Variants in HOATZ observed in about 807,000 individuals in gnomAD.
The protein encoded by HOATZ is cilia- and flagella-associated protein HOATZ.
In HOATZ, 26 loss-of-function variants were observed where a neutral mutation model predicts 24.9. The observed-to-expected ratio is 1.04, with a 90% CI of 0.76 to 1.45. The LOEUF (loss-of-function observed/expected upper bound fraction) is 1.45, where lower values mean the gene tolerates loss of function less well. HOATZ is among the 40% of genes most tolerant of loss of function. HOATZ has a pLI of 0.00. For missense variants in HOATZ, 226 were observed against 201.5 expected, an observed-to-expected ratio of 1.12 and a Z score of -0.74; for synonymous variants, 83 against 76.6, an observed-to-expected ratio of 1.08 and a Z score of -0.43.
chr11:111,529,927 C>T (rs368126826), intron 3 of HOATZ, among the ~76,000 whole-genome samples: 74 of 152,272 alleles, frequency 4.9e-4, no homozygotes, highest in African/African-American at 1.7e-3. Context: ...CTCCTTTCCT[C>T]CCTCAAACTG....
intron 3 of HOATZ, among the ~76,000 whole-genome samples, chr11:111,525,552 G>A (rs572300004): frequency 1.3e-5 from 2 of 152,322 alleles, no homozygotes; most frequent in East Asian, 3.9e-4. Flanking sequence ...TTGGCCAGAA[G>A]CAACTGAAAA....
rs1162361344 is a variant in HOATZ at position 111,529,863 on chromosome 11, A to T, written c.340-3883A>T. Among the ~76,000 whole-genome samples the T allele has an allele frequency of 2.0e-5, 3 of 152,120 alleles. No individual in the cohort carries two copies. In the East Asian group the frequency reaches 5.8e-4, roughly 29 times the overall value. On this transcript the variant is annotated intron_variant, in intron 3 of 5. Coordinates refer to ENST00000375618, the MANE Select transcript of HOATZ (RefSeq NM_001100388.2). ...ACACCAGAAAATTCGTGGTCAGAAGAATTTGCACTGCATATTTAATAACAA... is the reference window on the plus strand; with the variant it reads ...ACACCAGAAAATTCGTGGTCAGAAGTATTTGCACTGCATATTTAATAACAA...
chr11:111,532,687 G>A (rs769447801), intron 3 of HOATZ, among the ~76,000 whole-genome samples: 1 of 152,180 alleles, frequency 6.6e-6, no homozygotes, highest in Non-Finnish European at 1.5e-5. Flanking sequence ...TTTAAGCCAC[G>A]CAGTGTGTGG....
chr11:111,519,376 A>G (rs577071372), intron 3 of HOATZ, among the ~76,000 whole-genome samples: 2 of 152,136 alleles, frequency 1.3e-5, no homozygotes, highest in East Asian at 3.8e-4. Context: ...TTGATATTTC[A>G]ATTTTGTTTA....
At chr11:111,523,593 T>C (rs1017043006) in intron 3 of HOATZ, among the ~76,000 whole-genome samples, 1 of 152,118 alleles carries the variant, frequency 6.6e-6, no homozygotes, top group African/African-American at 2.4e-5. Flanking sequence ...TGAATCACAG[T>C]TTAACATACC....
chr11:111,533,917 G>A lies in HOATZ; in HGVS notation c.399+112G>A, dbSNP rs1867421066. 10 of 717,732 alleles carry A rather than the reference G, an allele frequency of 1.4e-5. No individual in the cohort carries two copies. The South Asian group carries it at 2.4e-4, about 17-fold the overall frequency. 44.5% of individuals were successfully genotyped at this position (717,732 alleles called of 1,614,324 possible). Reference sequence around the variant, plus strand: ...TAAATCTAGCTAGCTATAGTCCAGAGCCATTGATATACCAGAGTGGGGCAA... The same window carrying A: ...TAAATCTAGCTAGCTATAGTCCAGAACCATTGATATACCAGAGTGGGGCAA... On this transcript the variant is annotated intron_variant, in intron 4 of 5. Transcript: ENST00000375618.
At chr11:111,519,006 T>A (rs1279875873) in intron 3 of HOATZ, 1 of 456,148 alleles carries the variant, frequency 2.2e-6, no homozygotes, top group Non-Finnish European at 4.4e-6. Context: ...TCTTTCCTGC[T>A]AGATTACAGG....
intron 3 of HOATZ, among the ~76,000 whole-genome samples, chr11:111,528,550 C>T (rs1231389954): frequency 6.6e-6 from 1 of 152,166 alleles, no homozygotes; most frequent in Non-Finnish European, 1.5e-5. Flanking sequence ...TTTATAAATA[C>T]CACTATAATT....
chr11:111,536,090 C>A (rs1021725192), intron 5 of HOATZ: 1 of 152,192 alleles, frequency 6.6e-6, no homozygotes, highest in African/African-American at 2.4e-5. Flanking sequence ...TGTAACTATA[C>A]TGTAAGCTCC....
chr11:111,526,892 C>T (rs952765282), intron 3 of HOATZ: 2 of 152,188 alleles, frequency 1.3e-5, no homozygotes, highest in African/African-American at 4.8e-5. Context: ...CAATGAAAAT[C>T]TTCAAGACTC....
At chr11:111,529,973 C>T (rs1027447300) in intron 3 of HOATZ, among the ~76,000 whole-genome samples, 9 of 152,138 alleles carry the variant, frequency 5.9e-5, no homozygotes, top group African/African-American at 1.9e-4. Flanking sequence ...GAGGTTGAAT[C>T]GTAAGAATTC....
chr11:111,519,016 G>A, intron 3 of HOATZ: 1 of 456,024 alleles, frequency 2.2e-6, no homozygotes. Context: ...TAGATTACAG[G>A]CACCATAGTG....
chr11:111,516,546 CAAAAA>C (rs111862347), intron 3 of HOATZ, among the ~76,000 whole-genome samples: 1 of 124,928 alleles, frequency 8.0e-6, no homozygotes, highest in Non-Finnish European at 1.8e-5. Flanking sequence ...TCTAACTCTA[CAAAAA>C]AAAAAAAAAT....
chr11:111,531,404 T>C (rs1867391969), intron 3 of HOATZ, among the ~76,000 whole-genome samples: 1 of 152,148 alleles, frequency 6.6e-6, no homozygotes, highest in Non-Finnish European at 1.5e-5. Context: ...GAAAGAGACA[T>C]GGTGGCAACT....
intron 3 of HOATZ, among the ~76,000 whole-genome samples, chr11:111,525,239 T>C (rs896055039): frequency 3.9e-5 from 6 of 152,208 alleles, no homozygotes; most frequent in African/African-American, 7.2e-5. Context: ...AAAAACCCTA[T>C]AAGTTATTTA....
At chr11:111,519,026 G>A (rs936163728) in intron 3 of HOATZ, 34 of 455,960 alleles carry the variant, frequency 7.5e-5, no homozygotes, top group African/African-American at 6.6e-4. Context: ...GCACCATAGT[G>A]TAGTAGATTT....
chr11:111,526,908 T>A (rs999066545), intron 3 of HOATZ, among the ~76,000 whole-genome samples: 1 of 152,228 alleles, frequency 6.6e-6, no homozygotes, highest in Non-Finnish European at 1.5e-5. Context: ...GACTCAGTAG[T>A]CTTTGCTAAG....
intron 3 of HOATZ, among the ~76,000 whole-genome samples, chr11:111,520,947 T>C (rs1867261827): frequency 6.6e-6 from 1 of 152,226 alleles, no homozygotes; most frequent in Non-Finnish European, 1.5e-5. Flanking sequence ...AATTAAACTT[T>C]ATCATAGGTA....
intron 3 of HOATZ, among the ~76,000 whole-genome samples, chr11:111,524,624 A>G (rs1341358671): frequency 1.3e-5 from 2 of 152,122 alleles, no homozygotes; most frequent in African/African-American, 2.4e-5. Context: ...AGAAGTATAT[A>G]CCCTTCCCCC....
Sources: gnomAD v4.1 joint callset for allele counts (sites outside exome capture counted in the v4.1 genomes callset) on GRCh38, gnomAD v4.1.1 for gene constraint, MANE v1.5 for transcripts, NCBI Gene and HGNC (gene_info 2026-07-23, HGNC 2026-07-21) for gene names.